PCDHGA3: variants seen among roughly 807,000 people sequenced by gnomAD.
PCDHGA3 encodes the protein protocadherin gamma subfamily A, 3.
Under a neutral mutation model 58.5 loss-of-function variants are expected in PCDHGA3, and 40 were observed. That is an observed-to-expected ratio of 0.68 (90% CI 0.53 to 0.89). The LOEUF is 0.89. Ranked by LOEUF, PCDHGA3 falls within the 40% of genes least tolerant of loss-of-function variation. PCDHGA3 has a pLI of 0.00. For synonymous variants in PCDHGA3, 530 were observed against 525.7 expected (o/e 1.01, Z -0.11); for missense variants, 1,223 against 1,195.9 (o/e 1.02, Z -0.33).
chr5:141,358,939 G>T (rs980584338), intron 1 of PCDHGA3, among the ~76,000 whole-genome samples: 1 of 152,226 alleles, frequency 6.6e-6, no homozygotes, highest in South Asian at 2.1e-4. Flanking sequence ...CAACACTTTT[G>T]TTCTTTGTGC....
At chr5:141,448,921 G>A (rs1323304761) in intron 1 of PCDHGA3, among the ~76,000 whole-genome samples, 3 of 152,120 alleles carry the variant, frequency 2.0e-5, no homozygotes, top group Admixed American at 1.3e-4. Flanking sequence ...CTCCAGCCTG[G>A]GCGACAGAGC....
rs1452697214 is a variant in PCDHGA3 at position 141,476,552 on chromosome 5, G to T, written c.2425-18255G>T. ...CCAGGAAATGAAATTGGAGATTAGC[G>T]AGGCCGTGGCTCCGGGGACGCGCTT... On this transcript the variant is annotated intron_variant, in intron 1 of 3. Transcript: ENST00000253812. The surrounding 1 kb of genome is among the most constrained non-coding windows in gnomAD (Gnocchi z 7.6). 6.2e-7 allele frequency: 1 copy of T among 1,614,210 alleles called. No individual in the cohort carries two copies. The highest frequency in any genetic ancestry group is 2.2e-5 in the East Asian group (1 of 44,872).
At chr5:141,377,523 G>C (rs937581595) in intron 1 of PCDHGA3, 1 of 151,990 alleles carries the variant, frequency 6.6e-6, no homozygotes, top group Non-Finnish European at 1.5e-5. Flanking sequence ...TTAAGTCCAG[G>C]GGTATGAGGC....
Position 141,477,584 on chromosome 5 carries a change from G to A in PCDHGA3, c.2425-17223G>A. 5 of 1,614,148 alleles carry A rather than the reference G, an allele frequency of 3.1e-6. No homozygotes were observed. Among genetic ancestry groups the A allele is most frequent in the Non-Finnish European group, 4.2e-6 (5 of 1,180,032 alleles). On this transcript the variant is annotated intron_variant, in intron 1 of 3. Coordinates refer to ENST00000253812, the MANE Select transcript of PCDHGA3 (RefSeq NM_018916.4). This position sits in a 1 kb window ranked among gnomAD's most constrained non-coding sequence, Gnocchi z 4.9. ...CTGGGACCCCGACGCCCCGCAGAAT[G>A]CTCGGCTTTCTTTCTTTCTCTTGGA...
At chr5:141,386,206 G>A (rs931130731) in intron 1 of PCDHGA3, among the ~76,000 whole-genome samples, 2 of 152,116 alleles carry the variant, frequency 1.3e-5, no homozygotes, top group East Asian at 3.9e-4. Context: ...ACCAGTAGTT[G>A]ATTTTATTTA....
chr5:141,352,670 G>T, intron 1 of PCDHGA3: 2 of 1,579,078 alleles, frequency 1.3e-6, no homozygotes, highest in Non-Finnish European at 1.7e-6. Context: ...GTCTTCGCAC[G>T]TGAGTTTCTG....
intron 1 of PCDHGA3, chr5:141,392,124 A>G (rs1448052063): frequency 1.3e-5 from 2 of 152,226 alleles, no homozygotes; most frequent in Admixed American, 1.3e-4. Flanking sequence ...GAAAGCTTGT[A>G]AAATGATTAA....
Position 141,512,171 on chromosome 5 carries a change from T to C in PCDHGA3, c.*998T>C, listed in dbSNP as rs140884268. ...GGGCTGAGCTAACAGGACCAATGGA[T>C]TAAACTGGCATTTCAGTCCAAGGAA... On this transcript the variant is annotated 3_prime_UTR_variant, in exon 4 of 4. Transcript: ENST00000253812. 584 of 152,796 alleles carry C rather than the reference T, an allele frequency of 3.8e-3. 5 individuals carry two copies. The highest frequency in any genetic ancestry group is 0.011 in the Admixed American group (167 of 15,298). The allele number at this position is 152,796 out of a possible 1,614,324, so 9.5% of individuals were successfully genotyped here. A position where few individuals can be genotyped will look rare whatever the true frequency, so the allele number is the denominator to read the frequency against.
chr5:141,394,336 A>C lies in PCDHGA3; in HGVS notation c.2424+47879A>C, dbSNP rs1205005872. On this transcript the variant is annotated intron_variant, in intron 1 of 3. Coordinates refer to ENST00000253812, the MANE Select transcript of PCDHGA3 (RefSeq NM_018916.4). ...CCCCTGTCCTCGTATATCTCCATCA[A>C]CTCTGACACCGGTGTCCTGTATGCG... 6.2e-7 allele frequency: 1 copy of C among 1,613,822 alleles called. No homozygotes were observed. The highest frequency in any genetic ancestry group is 1.1e-5 in the South Asian group (1 of 91,058).
intron 2 of PCDHGA3, among the ~76,000 whole-genome samples, chr5:141,499,370 AT>A (rs932083472): frequency 2.0e-5 from 3 of 152,170 alleles, no homozygotes. Context: ...TAGCAACTTA[AT>A]TTTTTTCCAC....
At chr5:141,364,262 C>A (rs899975548) in intron 1 of PCDHGA3, 3 of 1,504,192 alleles carry the variant, frequency 2.0e-6, no homozygotes, top group Non-Finnish European at 2.7e-6. Context: ...ATGTACCCAT[C>A]GGCTTTAGAT....
At chr5:141,404,170 G>T in intron 1 of PCDHGA3, 1 of 1,612,740 alleles carries the variant, frequency 6.2e-7, no homozygotes, top group Non-Finnish European at 8.5e-7. Flanking sequence ...GATTGTTGAC[G>T]GCCCAAATTC....
At chr5:141,399,445 G>A (rs2093810599) in intron 1 of PCDHGA3, 1 of 1,614,032 alleles carries the variant, frequency 6.2e-7, no homozygotes, top group Non-Finnish European at 8.5e-7. Context: ...ACATATCAGA[G>A]ACGTCAACGA....
Position 141,493,360 on chromosome 5 carries a change from G to T in PCDHGA3, c.2425-1447G>T, listed in dbSNP as rs1364095483. Reference sequence around the variant, plus strand: ...CAGAATGTGTGCTTTTAATTTCTTGGCACTTGGAACTTTAAAAGCTTGAGG... The same window carrying T: ...CAGAATGTGTGCTTTTAATTTCTTGTCACTTGGAACTTTAAAAGCTTGAGG... On this transcript the variant is annotated intron_variant, in intron 1 of 3. Transcript: ENST00000253812. This position sits in a 1 kb window ranked among gnomAD's most constrained non-coding sequence, Gnocchi z 4.3. Among the ~76,000 whole-genome samples the T allele has an allele frequency of 6.6e-6, 1 of 152,144 alleles. No individual in the cohort carries two copies. The highest frequency in any genetic ancestry group is 1.5e-5 in the Non-Finnish European group (1 of 68,022).
In PCDHGA3 at chr5:141,491,681, C is replaced by A; in HGVS notation, c.2425-3126C>A. The A allele has an allele frequency of 6.2e-7, 1 of 1,613,458 alleles. No individual in the cohort carries two copies. Among genetic ancestry groups the A allele is most frequent in the Non-Finnish European group, 8.5e-7 (1 of 1,179,804 alleles). ...GACGCCATCCGGTCCCGCTCTAATA[C>A]GCTGCGGGAGCGGAGCCAGGTGAGG... On this transcript the variant is annotated intron_variant, in intron 1 of 3. Coordinates refer to ENST00000253812, the MANE Select transcript of PCDHGA3 (RefSeq NM_018916.4). This position sits in a 1 kb window ranked among gnomAD's most constrained non-coding sequence, Gnocchi z 6.9.
At chr5:141,357,630 A>G (rs144995438) in intron 1 of PCDHGA3, 4 of 1,613,314 alleles carry the variant, frequency 2.5e-6, no homozygotes, top group African/African-American at 2.7e-5. Context: ...AGGTGAGTCA[A>G]TCTTATAATA....
At chr5:141,451,365 G>A (rs557753113) in intron 1 of PCDHGA3, among the ~76,000 whole-genome samples, 2 of 152,234 alleles carry the variant, frequency 1.3e-5, no homozygotes, top group South Asian at 4.1e-4. Context: ...GGATGGATCC[G>A]CTTCTAATCT....
intron 1 of PCDHGA3, chr5:141,426,680 T>C (rs1261836011): frequency 2.3e-6 from 1 of 431,334 alleles, no homozygotes; most frequent in East Asian, 7.2e-5. Flanking sequence ...CACCTCATTT[T>C]CCCCAAAATA....
intron 1 of PCDHGA3, chr5:141,372,771 A>G: frequency 6.2e-7 from 1 of 1,610,980 alleles, no homozygotes. Context: ...AAGTAATGAC[A>G]ATCCAGAAAT....
Sources: allele counts gnomAD v4.1 joint callset (sites outside exome capture counted in the v4.1 genomes callset), GRCh38; gene constraint gnomAD v4.1.1; non-coding constraint Gnocchi (gnomAD v3.1); transcripts MANE v1.5; gene names NCBI Gene and HGNC (gene_info 2026-07-23, HGNC 2026-07-21).